The following ATAD1 variants were observed in gnomAD, a reference collection of about 807,000 sequenced individuals.
The protein encoded by ATAD1 is outer mitochondrial transmembrane helix translocase.
A neutral mutation model predicts 42.7 loss-of-function variants in ATAD1; 18 were observed. The observed-to-expected ratio is 0.42, with a 90% CI of 0.29 to 0.63. ATAD1 has a LOEUF of 0.63. Among genes scored for constraint, ATAD1 ranks in the 20% least tolerant of loss-of-function variants. The probability of loss-of-function intolerance (pLI) is 0.19; values close to 1 mark genes in which losing one functional copy is unlikely to be tolerated. For synonymous variants in ATAD1, 132 were observed against 143.1 expected (o/e 0.92, Z 0.55); for missense variants, 294 against 440.4 (o/e 0.67, Z 2.98).
rs181422151 is a variant in ATAD1, at chr10:87,753,922, A to G, written c.*765T>C. 422 of 152,602 alleles carry G rather than the reference A, an allele frequency of 2.8e-3. 3 individuals carry two copies. Among genetic ancestry groups the G allele is most frequent in the African/African-American group, 9.7e-3 (402 of 41,580 alleles). The allele number at this position is 152,602 out of a possible 1,614,324, so 9.5% of individuals were successfully genotyped here. A position where few individuals can be genotyped will look rare whatever the true frequency, so the allele number is the denominator to read the frequency against. On this transcript the variant is annotated 3_prime_UTR_variant, in exon 10 of 10. Transcript: ENST00000680024. ...TTCATGTAAACCAATTTAAATTTAA[A>G]AAGTTTATACTCAAGAGGTGAAATC...
chr10:87,757,021 C>A, intron 8 of ATAD1, 99 bp from the exon 9 acceptor site: 1 of 964,102 alleles, frequency 1.0e-6, no homozygotes, highest in Non-Finnish European at 1.4e-6. Flanking sequence ...CATATTATAA[C>A]TGCATGGGAG....
At chr10:87,795,056 A>C (rs975877523) in intron 2 of ATAD1, among the ~76,000 whole-genome samples, 1 of 152,192 alleles carries the variant, frequency 6.6e-6, no homozygotes. Context: ...CCTGAGAAGT[A>C]ACTATTATTA....
intron 8 of ATAD1, among the ~76,000 whole-genome samples, chr10:87,767,301 T>G (rs1196170811): frequency 3.9e-5 from 6 of 152,076 alleles, no homozygotes; most frequent in Non-Finnish European, 2.9e-5. Flanking sequence ...GGAAGACAAT[T>G]TTTCCACAGA....
chr10:87,771,765 AAAG>A (rs1454873682), intron 6 of ATAD1, among the ~76,000 whole-genome samples: 1 of 152,132 alleles, frequency 6.6e-6, no homozygotes, highest in Non-Finnish European at 1.5e-5. Flanking sequence ...AAAAAAAAAA[AAAG>A]AACTTTAAAA....
At chr10:87,776,172 C>A in intron 6 of ATAD1, 149 bp downstream of exon 6, 1 of 604,418 alleles carries the variant, frequency 1.7e-6, no homozygotes. Flanking sequence ...TTTATACAAA[C>A]CATATTCTTT....
intron 2 of ATAD1, among the ~76,000 whole-genome samples, chr10:87,800,651 T>A (rs1176668481): frequency 4.6e-5 from 7 of 152,120 alleles, no homozygotes; most frequent in African/African-American, 1.7e-4. Flanking sequence ...CATTCATGTA[T>A]CTTTCTATAT....
intron 2 of ATAD1, among the ~76,000 whole-genome samples, chr10:87,809,739 C>T (rs987029499): frequency 4.0e-5 from 6 of 151,664 alleles, no homozygotes; most frequent in African/African-American, 1.5e-4. Flanking sequence ...TCATTGTAAC[C>T]CCCGCCTCCT....
Position 87,835,885 on chromosome 10 carries a change from A to G in ATAD1, c.-14+5302T>C, listed in dbSNP as rs549823813. Among the ~76,000 whole-genome samples the G allele has an allele frequency of 4.2e-4, 64 of 152,320 alleles. 1 individual carries two copies. Among genetic ancestry groups the G allele is most frequent in the African/African-American group, 1.4e-3 (57 of 41,580 alleles). On this transcript the variant is annotated intron_variant, in intron 1 of 4. Coordinates refer to the ATAD1 transcript ENST00000495903. ...AATTTTACACAACCTACTTAGAATCAATATTTTATAACTTCAAGGGGGATA... is the reference window on the plus strand; with the variant it reads ...AATTTTACACAACCTACTTAGAATCGATATTTTATAACTTCAAGGGGGATA...
chr10:87,785,813 C>G (rs2131893094), intron 4 of ATAD1, among the ~76,000 whole-genome samples: 1 of 151,916 alleles, frequency 6.6e-6, no homozygotes, highest in South Asian at 2.1e-4. Context: ...AATGTTCAAG[C>G]TCTTCCTCAA....
chr10:87,753,559 C>T lies in ATAD1; in HGVS notation c.*1128G>A, dbSNP rs1854099909. On this transcript the variant is annotated 3_prime_UTR_variant, in exon 10 of 10. Transcript: ENST00000680024. ...AAATTCACATATAATTCACATTAAA[C>T]GACTACAGATAGATACAATATGGGC... 3 of 152,430 alleles carry T rather than the reference C, an allele frequency of 2.0e-5. No homozygotes were observed. The highest frequency in any genetic ancestry group is 2.1e-4 in the South Asian group (1 of 4,826). The allele number at this position is 152,430 out of a possible 1,614,324, so 9.4% of individuals were successfully genotyped here.
intron 2 of ATAD1, among the ~76,000 whole-genome samples, chr10:87,808,991 C>A (rs1857055009): frequency 6.6e-6 from 1 of 152,110 alleles, no homozygotes; most frequent in South Asian, 2.1e-4. Context: ...TAAATACTGG[C>A]AGAATTTGCT....
intron 5 of ATAD1, among the ~76,000 whole-genome samples, chr10:87,783,453 A>C (rs1855667820): frequency 6.6e-6 from 1 of 152,130 alleles, no homozygotes; most frequent in Non-Finnish European, 1.5e-5. Flanking sequence ...AACTGGAGTA[A>C]ATTGATGAGA....
At chr10:87,761,517 G>T (rs1409693247) in intron 8 of ATAD1, among the ~76,000 whole-genome samples, 2 of 151,888 alleles carry the variant, frequency 1.3e-5, no homozygotes, top group South Asian at 2.1e-4. Context: ...CAAAAAATTC[G>T]CTGGGTGTGG....
At chr10:87,799,514 T>A (rs1856578073) in intron 2 of ATAD1, among the ~76,000 whole-genome samples, 1 of 152,192 alleles carries the variant, frequency 6.6e-6, no homozygotes, top group Non-Finnish European at 1.5e-5. Flanking sequence ...GTTCAGCCTA[T>A]GCCCAGGAAT....
At chr10:87,822,405 C>T (rs1489370408), upstream of ATAD1, among the ~76,000 whole-genome samples, 2 of 152,044 alleles carry the variant, frequency 1.3e-5, no homozygotes, top group Non-Finnish European at 2.9e-5. Context: ...ACTTGAAGCT[C>T]CAATAGAAAG....
intron 8 of ATAD1, among the ~76,000 whole-genome samples, chr10:87,760,018 A>C (rs986961067): frequency 3.3e-5 from 5 of 152,134 alleles, no homozygotes; most frequent in Non-Finnish European, 7.3e-5. Flanking sequence ...ACAGCAGAAT[A>C]AGTTAACAGA....
intron 2 of ATAD1, among the ~76,000 whole-genome samples, chr10:87,797,422 A>G (rs1017278922): frequency 2.0e-5 from 3 of 152,120 alleles, no homozygotes; most frequent in Non-Finnish European, 2.9e-5. Context: ...CTTCCACCCT[A>G]TACCTCCTTC....
intron 5 of ATAD1, among the ~76,000 whole-genome samples, chr10:87,777,991 T>C (rs770802744): frequency 6.6e-6 from 1 of 152,048 alleles, no homozygotes; most frequent in Non-Finnish European, 1.5e-5. Context: ...AACTGCCTAA[T>C]TTTTAAAGAT....
At chr10:87,786,760 T>A (rs1855854398) in intron 4 of ATAD1, among the ~76,000 whole-genome samples, 1 of 152,086 alleles carries the variant, frequency 6.6e-6, no homozygotes. Flanking sequence ...ATCGAGACCA[T>A]CCTGGCTAAT....
Sources: allele counts gnomAD v4.1 joint callset (sites outside exome capture counted in the v4.1 genomes callset), GRCh38; gene constraint gnomAD v4.1.1; transcripts MANE v1.5; gene names NCBI Gene and HGNC (gene_info 2026-07-23, HGNC 2026-07-21).